Variants in FAM168A observed in about 807,000 individuals in gnomAD.
FAM168A encodes protein FAM168A.
FAM168A carries 3 observed loss-of-function variants against 28.5 expected under a neutral mutation model. The ratio of observed to expected loss-of-function variants is 0.11; its 90% CI spans 0.05 to 0.27. The LOEUF (loss-of-function observed/expected upper bound fraction) is 0.27. Among genes scored for constraint, FAM168A ranks in the 10% least tolerant of loss-of-function variants. The pLI is 1.00. For synonymous variants in FAM168A, 122 were observed against 124.2 expected, an observed-to-expected ratio of 0.98 and a Z score of 0.12; for missense variants, 222 against 311.5, an observed-to-expected ratio of 0.71 and a Z score of 2.16.
intron 1 of FAM168A, among the ~76,000 whole-genome samples, chr11:73,558,690 G>A (rs1028510681): frequency 6.6e-6 from 1 of 151,704 alleles, no homozygotes; most frequent in Admixed American, 6.6e-5. Context: ...ATGAAAAGAT[G>A]CTTAACATCA....
At chr11:73,542,325 G>C (rs1943667462) in intron 1 of FAM168A, among the ~76,000 whole-genome samples, 1 of 152,136 alleles carries the variant, frequency 6.6e-6, no homozygotes, top group Non-Finnish European at 1.5e-5. Context: ...CTGCAAACCT[G>C]CTCCTCCCAC....
intron 1 of FAM168A, among the ~76,000 whole-genome samples, chr11:73,520,475 A>G (rs1407327324): frequency 1.3e-5 from 2 of 152,216 alleles, no homozygotes; most frequent in African/African-American, 2.4e-5. Context: ...ACATTATGCA[A>G]AAATGGGACT....
At chr11:73,463,971 A>AG (rs1197529612) in intron 2 of FAM168A, among the ~76,000 whole-genome samples, 2 of 152,268 alleles carry the variant, frequency 1.3e-5, no homozygotes, top group Middle Eastern at 3.4e-3. Flanking sequence ...TGAACATCAA[A>AG]GGGGGAGTTG....
At chr11:73,524,106 A>T (rs1943419900) in intron 1 of FAM168A, among the ~76,000 whole-genome samples, 1 of 152,130 alleles carries the variant, frequency 6.6e-6, no homozygotes, top group South Asian at 2.1e-4. Context: ...ATGTAAGATA[A>T]TTCCTCCACT....
chr11:73,532,722 C>G (rs1041581362), intron 1 of FAM168A, among the ~76,000 whole-genome samples: 1 of 152,210 alleles, frequency 6.6e-6, no homozygotes, highest in Non-Finnish European at 1.5e-5. Context: ...CCATTGCTAT[C>G]TAAATTTCAA....
At chr11:73,515,741 G>A (rs1943295519) in intron 1 of FAM168A, among the ~76,000 whole-genome samples, 1 of 152,042 alleles carries the variant, frequency 6.6e-6, no homozygotes, top group Non-Finnish European at 1.5e-5. Flanking sequence ...AAAGAATGAG[G>A]TTGAGGAAAC....
Position 73,405,395 on chromosome 11 carries a change from T to G in FAM168A, c.*1368A>C, listed in dbSNP as rs938574869. 1 of 151,544 alleles carries G rather than the reference T, an allele frequency of 6.6e-6. No individual in the cohort carries two copies. Among genetic ancestry groups the G allele is most frequent in the African/African-American group, 2.4e-5 (1 of 41,426 alleles). 9.4% of individuals were successfully genotyped at this position (151,544 alleles called of 1,614,324 possible). On this transcript the variant is annotated 3_prime_UTR_variant, in exon 8 of 8. Coordinates refer to ENST00000356467, the MANE Select transcript of FAM168A (RefSeq NM_015159.3). ...TTCCAGACTCACCAGGTATGGGCGC[T>G]GCCGACTTAATTTTTACAAAACCAA... is the stretch of plus-strand genomic sequence containing the variant.
At chr11:73,480,716 AAACAAAC>A (rs1015950224) in intron 1 of FAM168A, among the ~76,000 whole-genome samples, 4 of 150,844 alleles carry the variant, frequency 2.7e-5, no homozygotes, top group East Asian at 1.9e-4. Flanking sequence ...ACAAACAAAC[AAACAAAC>A]AACAACAACA....
chr11:73,424,791 T>G (rs980609323), intron 3 of FAM168A, among the ~76,000 whole-genome samples: 2 of 152,186 alleles, frequency 1.3e-5, no homozygotes, highest in African/African-American at 4.8e-5. Context: ...CGCCTTTTAG[T>G]GCCATGATCC....
intron 1 of FAM168A, among the ~76,000 whole-genome samples, chr11:73,523,750 C>T (rs556607279): frequency 3.9e-5 from 6 of 152,018 alleles, no homozygotes; most frequent in Non-Finnish European, 5.9e-5. Flanking sequence ...TGCCCAGCCC[C>T]TCTTCCTTTT....
intron 1 of FAM168A, among the ~76,000 whole-genome samples, chr11:73,590,861 T>C (rs1944372754): frequency 6.6e-6 from 1 of 152,072 alleles, no homozygotes; most frequent in African/African-American, 2.4e-5. Context: ...GACTACTGAT[T>C]AGGCTGGGTG....
At chr11:73,580,267 C>T (rs1944227717) in intron 1 of FAM168A, 6 of 556,408 alleles carry the variant, frequency 1.1e-5, no homozygotes, top group Admixed American at 9.7e-5. Context: ...CCAAGAAAGG[C>T]TGAAGGGGAT....
At chr11:73,463,372 T>A (rs1176695731) in intron 2 of FAM168A, among the ~76,000 whole-genome samples, 1 of 152,154 alleles carries the variant, frequency 6.6e-6, no homozygotes, top group Non-Finnish European at 1.5e-5. Context: ...TGTTTTCTGA[T>A]TTTAGGAATA....
At position 73,417,620 on chromosome 11, in the gene FAM168A, C is replaced by T. The variant is rs994232750; in HGVS notation, c.277+2254G>A. ...TGTTGCCCAGGCTGTAGTGCAATGG[C>T]GCAATCTCGGCTCACTGCCAGCTCC... On this transcript the variant is annotated intron_variant, in intron 4 of 7. Transcript: ENST00000356467. Among the ~76,000 whole-genome samples, 6 of 144,914 alleles carry T rather than the reference C, an allele frequency of 4.1e-5. No individual in the cohort carries two copies. The East Asian group carries it at 8.2e-4, about 20-fold the overall frequency.
chr11:73,500,281 C>G lies in FAM168A; in HGVS notation c.-18-31789G>C, dbSNP rs994726854. 2.5e-5 allele frequency among the ~76,000 whole-genome samples: 3 copies of G among 120,114 alleles called. No homozygotes were observed. The Admixed American group carries it at 2.9e-4, about 12-fold the overall frequency. The allele number at this position is 120,114 out of a possible 152,430, so 78.8% of individuals were successfully genotyped here. On this transcript the variant is annotated intron_variant, in intron 1 of 7. Coordinates refer to ENST00000356467, the MANE Select transcript of FAM168A (RefSeq NM_015159.3). Reference sequence around the variant, plus strand: ...CTTTTTTTTTTTTTTTTTTTTGAGACAGAGTCTTGCTCTGTCACCCAGGCT... The same window carrying G: ...CTTTTTTTTTTTTTTTTTTTTGAGAGAGAGTCTTGCTCTGTCACCCAGGCT...
intron 1 of FAM168A, among the ~76,000 whole-genome samples, chr11:73,545,089 A>G (rs1943728505): frequency 7.3e-6 from 1 of 137,364 alleles, no homozygotes; most frequent in Non-Finnish European, 1.5e-5. Context: ...GCAGCGCCAC[A>G]ATCTTGGCTC....
intron 1 of FAM168A, among the ~76,000 whole-genome samples, chr11:73,594,825 G>A (rs1466070576): frequency 1.3e-5 from 2 of 152,178 alleles, no homozygotes; most frequent in Middle Eastern, 3.2e-3. Context: ...CACCACGCCT[G>A]GCCATCTGAA....
Position 73,409,480 on chromosome 11 carries a change from C to G in FAM168A, c.595+7G>C. On this transcript the variant is annotated splice_region_variant and intron_variant, in intron 6 of 7. Transcript: ENST00000356467. ...GGGATGGACACTGATGCAGATGCTG[C>G]CCTCACCTGCTGACATTGCCATGGT... The G allele has an allele frequency of 6.2e-7, 1 of 1,613,336 alleles. No individual in the cohort carries two copies. The highest frequency in any genetic ancestry group is 1.7e-4 in the Middle Eastern group (1 of 6,060).
rs183942583 is a variant in FAM168A, at chr11:73,570,736, A to T, written c.-19+27187T>A. 2.6e-5 allele frequency among the ~76,000 whole-genome samples: 4 copies of T among 151,534 alleles called. No individual in the cohort carries two copies. The East Asian group carries it at 7.7e-4, about 29-fold the overall frequency. On this transcript the variant is annotated intron_variant, in intron 1 of 7. Transcript: ENST00000356467. ...GTGACAGAGTGAGATACTGTCTCAA[A>T]AAAAAAAAAAGACAAGACAAGAAAA...
Sources: allele counts gnomAD v4.1 joint callset (sites outside exome capture counted in the v4.1 genomes callset), GRCh38; gene constraint gnomAD v4.1.1; transcripts MANE v1.5; gene names NCBI Gene and HGNC (gene_info 2026-07-23, HGNC 2026-07-21).